The following CAPN8 variants were observed in gnomAD, a reference collection of about 807,000 sequenced individuals.
The protein encoded by CAPN8 is calpain 8.
CAPN8 carries 87 observed loss-of-function variants against 80.9 expected under a neutral mutation model. The ratio of observed to expected loss-of-function variants is 1.07; its 90% CI spans 0.90 to 1.28. The LOEUF (loss-of-function observed/expected upper bound fraction) is 1.28, where lower values mean the gene tolerates loss of function less well. CAPN8 is among the 50% of genes most tolerant of loss of function. CAPN8 has a pLI of 0.00. For synonymous variants in CAPN8, 299 were observed against 273.8 expected (o/e 1.09, Z -0.91); for missense variants, 757 against 702.0 (o/e 1.08, Z -0.89).
intron 10 of CAPN8, among the ~76,000 whole-genome samples, chr1:223,613,543 A>G (rs1293986129): frequency 6.6e-6 from 1 of 152,192 alleles, no homozygotes; most frequent in East Asian, 1.9e-4. Flanking sequence ...GGTGGCACAA[A>G]TCCAGAGCAG....
intron 6 of CAPN8, among the ~76,000 whole-genome samples, chr1:223,624,947 G>T (rs1657519452): frequency 6.6e-6 from 1 of 151,916 alleles, no homozygotes; most frequent in Admixed American, 6.6e-5. Flanking sequence ...ACAAAAATTA[G>T]CTGGGCGTGG....
chr1:223,555,667 A>G (rs972947864), intron 13 of CAPN8, among the ~76,000 whole-genome samples: 3 of 152,176 alleles, frequency 2.0e-5, no homozygotes, highest in Admixed American at 6.5e-5. Context: ...TAGGGGAAAA[A>G]CATAAAATTG....
intron 2 of CAPN8, among the ~76,000 whole-genome samples, chr1:223,652,670 A>T (rs975932538): frequency 1.3e-5 from 2 of 151,962 alleles, no homozygotes; most frequent in Non-Finnish European, 2.9e-5. Context: ...TGGCGCTGTG[A>T]ATCTCCTCTT....
At chr1:223,661,677 G>A (rs1301284521) in intron 1 of CAPN8, among the ~76,000 whole-genome samples, 1 of 152,132 alleles carries the variant, frequency 6.6e-6, no homozygotes, top group Non-Finnish European at 1.5e-5. Flanking sequence ...ACATTGGCAA[G>A]GATGTGGAGA....
intron 1 of CAPN8, among the ~76,000 whole-genome samples, chr1:223,658,163 C>G (rs1319611820): frequency 6.6e-6 from 1 of 152,210 alleles, no homozygotes; most frequent in Non-Finnish European, 1.5e-5. Context: ...CAACTATTAA[C>G]TGCAGAATAT....
At chr1:223,554,337 T>C (rs1296212052) in intron 13 of CAPN8, among the ~76,000 whole-genome samples, 1 of 152,198 alleles carries the variant, frequency 6.6e-6, no homozygotes, top group Non-Finnish European at 1.5e-5. Flanking sequence ...AATGCATTTT[T>C]GGCTGGGTGC....
At chr1:223,547,937 T>C (rs1007823347) in intron 16 of CAPN8, among the ~76,000 whole-genome samples, 2 of 152,138 alleles carry the variant, frequency 1.3e-5, no homozygotes, top group Admixed American at 6.5e-5. Context: ...TTGTCAAGCA[T>C]GGAGAAAAGA....
At chr1:223,612,340 C>T in intron 10 of CAPN8, 83 bp from the exon 11 acceptor site, 1 of 1,194,826 alleles carries the variant, frequency 8.4e-7, no homozygotes, top group Non-Finnish European at 1.0e-6. Flanking sequence ...CTATGTCTTG[C>T]AAACAGACTG....
chr1:223,555,906 T>C (rs1656896166), intron 13 of CAPN8, among the ~76,000 whole-genome samples: 3 of 152,222 alleles, frequency 2.0e-5, no homozygotes, highest in Non-Finnish European at 4.4e-5. Flanking sequence ...TGCGTGTGAA[T>C]GCAATGGTGA....
chr1:223,659,770 G>A (rs142730111), intron 1 of CAPN8, among the ~76,000 whole-genome samples: 349 of 152,274 alleles, frequency 2.3e-3, no homozygotes, highest in African/African-American at 8.0e-3. Context: ...CAGTGAAGTG[G>A]GTAATATTGT....
At chr1:223,658,050 C>G (rs1410187319) in intron 1 of CAPN8, among the ~76,000 whole-genome samples, 1 of 152,160 alleles carries the variant, frequency 6.6e-6, no homozygotes, top group Non-Finnish European at 1.5e-5. Context: ...TATCAAGGAA[C>G]CCCTGGCTCT....
At chr1:223,639,873 G>A (rs1015546474) in intron 2 of CAPN8, among the ~76,000 whole-genome samples, 6 of 152,248 alleles carry the variant, frequency 3.9e-5, no homozygotes, top group Non-Finnish European at 7.3e-5. Flanking sequence ...AGGCCAGGCA[G>A]TGTCAGAGCC....
intron 1 of CAPN8, among the ~76,000 whole-genome samples, chr1:223,660,214 A>G (rs1468194398): frequency 2.0e-5 from 3 of 152,196 alleles, no homozygotes; most frequent in Non-Finnish European, 1.5e-5. Flanking sequence ...CTTAAGATCA[A>G]TAAACCACTT....
At chr1:223,640,397 A>C (rs768963663) in intron 2 of CAPN8, among the ~76,000 whole-genome samples, 47 of 152,164 alleles carry the variant, frequency 3.1e-4, no homozygotes, top group Non-Finnish European at 5.6e-4. Flanking sequence ...ATAGGAAAAC[A>C]AAAACTGAAA....
intron 10 of CAPN8, among the ~76,000 whole-genome samples, chr1:223,614,666 G>C (rs1026928088): frequency 6.6e-6 from 1 of 152,208 alleles, no homozygotes; most frequent in Non-Finnish European, 1.5e-5. Context: ...TGCCAGTGGA[G>C]TGTGCATCTC....
chr1:223,662,642 A>G lies in CAPN8; in HGVS notation c.237+2768T>C, dbSNP rs147116902. ...TAATGCCACTGAACTGTGCATTTAG[A>G]AGGGGTTAAGATGGCAAATTTTATG... On this transcript the variant is annotated intron_variant, in intron 1 of 20. Transcript: ENST00000366872. Among the ~76,000 whole-genome samples the G allele has an allele frequency of 1.0e-3, 157 of 152,268 alleles. 1 individual carries two copies. The highest frequency in any genetic ancestry group is 2.6e-3 in the African/African-American group (110 of 41,544).
chr1:223,634,680 A>T (rs557705836), intron 2 of CAPN8, among the ~76,000 whole-genome samples: 2 of 152,208 alleles, frequency 1.3e-5, no homozygotes, highest in African/African-American at 4.8e-5. Context: ...GCTGTCTTCC[A>T]GTTGTGTCCT....
Position 223,628,643 on chromosome 1 carries a change from C to A in CAPN8, c.426+19G>T, listed in dbSNP as rs1321389737. 1 of 1,533,820 alleles carries A rather than the reference C, an allele frequency of 6.5e-7. No homozygotes were observed. ...GAATACGGAAAACAGCAACAAAGGG[C>A]CAGAGCAGAGCACAGTACCTGAAAG... On this transcript the variant is annotated intron_variant, in intron 3 of 20. Coordinates refer to ENST00000366872, the MANE Select transcript of CAPN8 (RefSeq NM_001143962.2).
chr1:223,626,784 T>A (rs1232352858), intron 5 of CAPN8, among the ~76,000 whole-genome samples: 1 of 152,146 alleles, frequency 6.6e-6, no homozygotes, highest in Non-Finnish European at 1.5e-5. Flanking sequence ...GCAATGCAAC[T>A]AACCCCAGTT....
Sources: allele counts gnomAD v4.1 joint callset (sites outside exome capture counted in the v4.1 genomes callset), GRCh38; gene constraint gnomAD v4.1.1; transcripts MANE v1.5; gene names NCBI Gene and HGNC (gene_info 2026-07-23, HGNC 2026-07-21).